SNX29: variants seen among roughly 807,000 people sequenced by gnomAD.
SNX29 encodes the protein sorting nexin 29, also known as sorting nexin-29.
SNX29 carries 78 observed loss-of-function variants against 102.1 expected under a neutral mutation model. That is an observed-to-expected ratio of 0.76 (90% CI 0.64 to 0.92). The LOEUF (loss-of-function observed/expected upper bound fraction) is 0.92. Among genes scored for constraint, SNX29 ranks in the 40% least tolerant of loss-of-function variants. The pLI, the probability that SNX29 is intolerant of heterozygous loss-of-function variation, is 0.00. For missense variants in SNX29, 1,280 were observed against 1,061.7 expected (o/e 1.21, Z -2.86); for synonymous variants, 580 against 414.5 (o/e 1.40, Z -4.85).
chr16:12,329,883 G>A (rs558625885), intron 15 of SNX29, among the ~76,000 whole-genome samples: 2 of 152,240 alleles, frequency 1.3e-5, no homozygotes, highest in African/African-American at 4.8e-5. Context: ...TTTTCTGAAG[G>A]GACTAAGACG....
chr16:12,072,810 G>C (rs918927953), intron 10 of SNX29, among the ~76,000 whole-genome samples: 52 of 152,048 alleles, frequency 3.4e-4, no homozygotes, highest in African/African-American at 1.1e-3. Flanking sequence ...GACTCTTTTT[G>C]GTTGGTAAGC....
intron 16 of SNX29, among the ~76,000 whole-genome samples, chr16:12,393,533 G>A (rs1381111985): frequency 6.6e-6 from 1 of 151,360 alleles, no homozygotes; most frequent in Non-Finnish European, 1.5e-5. Flanking sequence ...AGCTCTCTGA[G>A]CTCACAAGGA....
At chr16:12,123,764 C>T (rs2054082551) in intron 11 of SNX29, among the ~76,000 whole-genome samples, 1 of 152,148 alleles carries the variant, frequency 6.6e-6, no homozygotes, top group Non-Finnish European at 1.5e-5. Flanking sequence ...TTGCGATGTT[C>T]TCCTAAGATG....
At chr16:12,023,678 A>C (rs1022838258) in intron 3 of SNX29, among the ~76,000 whole-genome samples, 1 of 152,158 alleles carries the variant, frequency 6.6e-6, no homozygotes, top group African/African-American at 2.4e-5. Flanking sequence ...TTCCCATATA[A>C]GATGGTTCAT....
chr16:12,416,420 T>C (rs570744720), intron 18 of SNX29, among the ~76,000 whole-genome samples: 1 of 152,334 alleles, frequency 6.6e-6, no homozygotes, highest in African/African-American at 2.4e-5. Context: ...GAGAGGGTTC[T>C]GAATGTTTCC....
chr16:12,325,719 C>T (rs780208156), intron 15 of SNX29, among the ~76,000 whole-genome samples: 4 of 151,990 alleles, frequency 2.6e-5, no homozygotes, highest in Non-Finnish European at 5.9e-5. Flanking sequence ...ATTTTATCAG[C>T]GGGATTATAT....
At chr16:12,433,259 T>G (rs1297256145) in intron 18 of SNX29, among the ~76,000 whole-genome samples, 5 of 152,190 alleles carry the variant, frequency 3.3e-5, no homozygotes, top group Non-Finnish European at 5.9e-5. Context: ...AATGTCGATG[T>G]AACGAGCCTT....
chr16:12,121,017 G>T (rs2053949819), intron 11 of SNX29, among the ~76,000 whole-genome samples: 1 of 152,190 alleles, frequency 6.6e-6, no homozygotes, highest in Non-Finnish European at 1.5e-5. Flanking sequence ...TCAGTTCCTG[G>T]AGCTGAGGGT....
chr16:12,445,165 G>A (rs1627867), intron 18 of SNX29, among the ~76,000 whole-genome samples: 1 of 150,842 alleles, frequency 6.6e-6, no homozygotes, highest in Non-Finnish European at 1.5e-5. Context: ...GTTTTTTTTT[G>A]TTTTTGAATA....
chr16:12,550,557 A>C (rs972830005), intron 20 of SNX29, among the ~76,000 whole-genome samples: 28 of 151,740 alleles, frequency 1.8e-4, no homozygotes, highest in Non-Finnish European at 3.5e-4. Flanking sequence ...ACCAAACACC[A>C]AATATGAGGA....
rs74355929 is a variant in SNX29 at position 12,236,384 on chromosome 16, C to G, written c.1678+36701C>G. Among the ~76,000 whole-genome samples, 766 of 152,288 alleles carry G rather than the reference C, an allele frequency of 5.0e-3. 4 individuals carry two copies. The highest frequency in any genetic ancestry group is 0.018 in the African/African-American group (729 of 41,554). On this transcript the variant is annotated intron_variant, in intron 14 of 20. Transcript: ENST00000566228. ...TGAGGGTGACCTCTTTTTGTACTTT[C>G]ATTTCTCGCTATTCTTCTTCTTGTA...
intron 14 of SNX29, among the ~76,000 whole-genome samples, chr16:12,204,868 C>G (rs2077006384): frequency 1.3e-5 from 2 of 152,152 alleles, no homozygotes; most frequent in African/African-American, 2.4e-5. Context: ...CCCGATTCCA[C>G]TCCTGCGTGT....
At chr16:12,287,035 C>T (rs910078452) in intron 15 of SNX29, among the ~76,000 whole-genome samples, 3 of 152,206 alleles carry the variant, frequency 2.0e-5, no homozygotes, top group South Asian at 4.1e-4. Context: ...GGGCCCCTGG[C>T]TCACTCTTTC....
intron 13 of SNX29, among the ~76,000 whole-genome samples, chr16:12,153,544 C>T (rs2055394869): frequency 6.6e-6 from 1 of 151,842 alleles, no homozygotes; most frequent in Non-Finnish European, 1.5e-5. Context: ...CATGACCTCA[C>T]CTCACTGCAG....
At chr16:12,231,547 A>C (rs2077770137) in intron 14 of SNX29, among the ~76,000 whole-genome samples, 1 of 152,126 alleles carries the variant, frequency 6.6e-6, no homozygotes, top group African/African-American at 2.4e-5. Flanking sequence ...AAAAAACAAA[A>C]AACAAAAAAC....
At chr16:12,534,676 G>A (rs1177331465) in intron 20 of SNX29, among the ~76,000 whole-genome samples, 3 of 152,182 alleles carry the variant, frequency 2.0e-5, no homozygotes, top group Non-Finnish European at 4.4e-5. Flanking sequence ...GGCTGTCGGA[G>A]GATCTTTGAT....
intron 15 of SNX29, among the ~76,000 whole-genome samples, chr16:12,299,509 C>A (rs1052142720): frequency 2.6e-5 from 4 of 152,154 alleles, no homozygotes; most frequent in Admixed American, 2.6e-4. Flanking sequence ...TCTTGTACTT[C>A]ATGCCCCAGA....
At chr16:12,402,998 A>G (rs548477576) in intron 17 of SNX29, among the ~76,000 whole-genome samples, 1 of 152,276 alleles carries the variant, frequency 6.6e-6, no homozygotes, top group East Asian at 1.9e-4. Context: ...AAGTCAGCTC[A>G]GTGAGGAGGC....
intron 14 of SNX29, among the ~76,000 whole-genome samples, chr16:12,233,825 T>TGG (rs2077842888): frequency 6.6e-6 from 1 of 152,214 alleles, no homozygotes; most frequent in Non-Finnish European, 1.5e-5. Context: ...GTGCCTGTTC[T>TGG]GGACACTTCA....
Sources: allele counts gnomAD v4.1 joint callset (sites outside exome capture counted in the v4.1 genomes callset), GRCh38; gene constraint gnomAD v4.1.1; transcripts MANE v1.5; gene names NCBI Gene and HGNC (gene_info 2026-07-23, HGNC 2026-07-21).